Variants in PAN3 observed in about 807,000 individuals in gnomAD.
PAN3 encodes the protein poly(A) specific ribonuclease subunit PAN3, also known as PAN2-PAN3 deadenylation complex subunit PAN3.
Under a neutral mutation model 96.2 loss-of-function variants are expected in PAN3, and 19 were observed. That is an observed-to-expected ratio of 0.20 (90% confidence interval 0.14 to 0.29). PAN3 has a LOEUF of 0.29. Ranked by LOEUF, PAN3 falls within the 10% of genes least tolerant of loss-of-function variation. The pLI is 1.00. For synonymous variants in PAN3, 433 were observed against 406.6 expected (o/e 1.06, Z -0.78); for missense variants, 882 against 1,108.1 (o/e 0.80, Z 2.90).
intron 5 of PAN3, among the ~76,000 whole-genome samples, chr13:28,202,062 T>TCC (rs954671739): frequency 6.6e-6 from 1 of 151,818 alleles, no homozygotes; most frequent in African/African-American, 2.4e-5. Flanking sequence ...ATTTTTTTTT[T>TCC]CCCCCCTGGA....
At chr13:28,183,313 G>T (rs568535281) in intron 4 of PAN3, among the ~76,000 whole-genome samples, 1 of 152,260 alleles carries the variant, frequency 6.6e-6, no homozygotes, top group African/African-American at 2.4e-5. Context: ...TAGATTTCCA[G>T]TAAGCCACAT....
chr13:28,172,379 C>T (rs551587726), intron 1 of PAN3, among the ~76,000 whole-genome samples: 4 of 152,108 alleles, frequency 2.6e-5, no homozygotes, highest in South Asian at 2.1e-4. Context: ...TGGTGTGAAC[C>T]CAGGGGGCGA....
In PAN3 at chr13:28,173,301, A is replaced by G. The variant is rs537301305; in HGVS notation, c.431-971A>G. ...AAATAGTTCTTTTTTTTCCCATTTC[A>G]CATTGTTTCAAATTTCTTGTTAAAG... On this transcript the variant is annotated intron_variant, in intron 1 of 18. Transcript: ENST00000380958. 1.7e-3 allele frequency among the ~76,000 whole-genome samples: 252 copies of G among 152,194 alleles called. 3 individuals are homozygous for G. The highest frequency in any genetic ancestry group is 2.6e-4 in the Non-Finnish European group (18 of 68,016).
intron 6 of PAN3, among the ~76,000 whole-genome samples, chr13:28,225,760 A>G (rs887440834): frequency 6.6e-6 from 1 of 152,170 alleles, no homozygotes; most frequent in Non-Finnish European, 1.5e-5. Flanking sequence ...GGAAAAAAAA[A>G]CTTTCCTATA....
At chr13:28,214,611 G>T in intron 5 of PAN3, 3 of 420,186 alleles carry the variant, frequency 7.1e-6, no homozygotes, top group South Asian at 4.2e-5. Context: ...AAATGTGGTG[G>T]AATCAACAAA....
chr13:28,151,956 C>G (rs73446906), intron 1 of PAN3, among the ~76,000 whole-genome samples: 14,295 of 152,154 alleles, frequency 0.094, 839 homozygotes, highest in African/African-American at 0.17. Flanking sequence ...TCAGTGTATA[C>G]TTGGCATTTA....
intron 4 of PAN3, among the ~76,000 whole-genome samples, chr13:28,191,633 T>A (rs1485577708): frequency 6.6e-6 from 1 of 152,176 alleles, no homozygotes; most frequent in East Asian, 1.9e-4. Flanking sequence ...CTATTTCCAC[T>A]TTTACTCCCT....
intron 6 of PAN3, among the ~76,000 whole-genome samples, chr13:28,253,828 A>G (rs374791056): frequency 6.6e-6 from 1 of 152,074 alleles, no homozygotes; most frequent in East Asian, 1.9e-4. Context: ...GATGAACTCA[A>G]ATTTTATTTC....
chr13:28,187,972 G>A (rs1019093405), intron 4 of PAN3, among the ~76,000 whole-genome samples: 6 of 152,198 alleles, frequency 3.9e-5, no homozygotes, highest in African/African-American at 1.4e-4. Context: ...GAGATTACAG[G>A]CATGAGCCAC....
intron 1 of PAN3, among the ~76,000 whole-genome samples, chr13:28,155,933 T>C (rs904330846): frequency 6.6e-6 from 1 of 152,156 alleles, no homozygotes; most frequent in African/African-American, 2.4e-5. Flanking sequence ...AGGCCAATTA[T>C]GGAGAGTGGT....
chr13:28,229,297 C>T (rs752744355), intron 6 of PAN3, among the ~76,000 whole-genome samples: 2 of 152,098 alleles, frequency 1.3e-5, no homozygotes, highest in African/African-American at 4.8e-5. Flanking sequence ...ATTTATCTAG[C>T]GTCAGGGGAA....
At chr13:28,292,136 A>G (rs762487574) in intron 18 of PAN3, among the ~76,000 whole-genome samples, 1 of 152,184 alleles carries the variant, frequency 6.6e-6, no homozygotes, top group Non-Finnish European at 1.5e-5. Context: ...TGGAGCATCA[A>G]CTGGGTAAAC....
chr13:28,195,398 T>C (rs951062317), intron 4 of PAN3, among the ~76,000 whole-genome samples: 9 of 152,244 alleles, frequency 5.9e-5, no homozygotes, highest in African/African-American at 2.2e-4. Context: ...AATGAGACAC[T>C]GTCTCAAAAA....
chr13:28,206,738 G>GTT (rs200990694), intron 5 of PAN3, among the ~76,000 whole-genome samples: 1,962 of 143,634 alleles, frequency 0.014, 19 homozygotes, highest in African/African-American at 0.027. Context: ...TTATTAGTGG[G>GTT]TTTTTTTTTT....
chr13:28,191,900 C>T (rs528100577), intron 4 of PAN3, among the ~76,000 whole-genome samples: 58 of 152,150 alleles, frequency 3.8e-4, no homozygotes, highest in Non-Finnish European at 6.2e-4. Context: ...CCACCATACC[C>T]GGCTCCTTTT....
chr13:28,177,103 G>T (rs1021167565), intron 3 of PAN3, among the ~76,000 whole-genome samples: 1 of 152,032 alleles, frequency 6.6e-6, no homozygotes, highest in Non-Finnish European at 1.5e-5. Context: ...AACATGTAAT[G>T]AGATTAATAA....
At chr13:28,247,127 A>G (rs532028430) in intron 6 of PAN3, among the ~76,000 whole-genome samples, 2 of 152,158 alleles carry the variant, frequency 1.3e-5, no homozygotes, top group South Asian at 2.1e-4. Flanking sequence ...CTGGGGTAAT[A>G]TGATCTCATT....
chr13:28,285,575 T>G (rs994788444), intron 17 of PAN3, among the ~76,000 whole-genome samples: 61 of 152,188 alleles, frequency 4.0e-4, no homozygotes, highest in African/African-American at 1.3e-3. Context: ...CCTTCAGTTC[T>G]GGGACATGGT....
intron 9 of PAN3, among the ~76,000 whole-genome samples, chr13:28,262,851 TAAC>T (rs1167562880): frequency 6.6e-6 from 1 of 152,156 alleles, no homozygotes; most frequent in Admixed American, 6.5e-5. Flanking sequence ...TAGGAATAAA[TAAC>T]AACAAAAGAT....
Sources: allele counts gnomAD v4.1 joint callset (sites outside exome capture counted in the v4.1 genomes callset), GRCh38; gene constraint gnomAD v4.1.1; transcripts MANE v1.5; gene names NCBI Gene and HGNC (gene_info 2026-07-23, HGNC 2026-07-21).